Variants in UNC5D observed in about 807,000 individuals in gnomAD.
The protein encoded by UNC5D is unc-5 netrin receptor D, also known as netrin receptor UNC5D.
UNC5D carries 39 observed loss-of-function variants against 105.4 expected under a neutral mutation model. The observed-to-expected ratio is 0.37, with a 90% CI of 0.29 to 0.48. The LOEUF (loss-of-function observed/expected upper bound fraction) is 0.48, where lower values mean the gene tolerates loss of function less well. Among genes scored for constraint, UNC5D ranks in the 20% least tolerant of loss-of-function variants. The pLI is 0.98. For synonymous variants in UNC5D, 452 were observed against 450.4 expected (o/e 1.00, Z -0.04); for missense variants, 991 against 1,202.4 (o/e 0.82, Z 2.60).
chr8:35,527,618 C>T (rs749176425), intron 1 of UNC5D, among the ~76,000 whole-genome samples: 1 of 152,148 alleles, frequency 6.6e-6, no homozygotes, highest in Non-Finnish European at 1.5e-5. Context: ...TCTCGACTCA[C>T]TGCAACCTCT....
At chr8:35,624,085 GA>G (rs199568686) in intron 4 of UNC5D, among the ~76,000 whole-genome samples, 3 of 150,782 alleles carry the variant, frequency 2.0e-5, no homozygotes, top group South Asian at 2.1e-4. Flanking sequence ...ACCTCAAAAA[GA>G]AAAAAAAATT....
At chr8:35,585,404 G>T (rs558599904) in intron 3 of UNC5D, among the ~76,000 whole-genome samples, 4 of 152,056 alleles carry the variant, frequency 2.6e-5, no homozygotes, top group Non-Finnish European at 5.9e-5. Context: ...ATTCAGTGGC[G>T]TCCGTCCAAA....
intron 8 of UNC5D, among the ~76,000 whole-genome samples, chr8:35,707,700 T>A (rs185783456): frequency 5.9e-5 from 9 of 152,312 alleles, no homozygotes; most frequent in Non-Finnish European, 4.4e-5. Flanking sequence ...ATGTATGTGT[T>A]TTTAAAATTA....
chr8:35,793,019 T>G lies in UNC5D; in HGVS notation c.*2456T>G, dbSNP rs1304203950. 1 of 454,824 alleles carries G rather than the reference T, an allele frequency of 2.2e-6. No individual in the cohort carries two copies. Among genetic ancestry groups the G allele is most frequent in the Non-Finnish European group, 4.4e-6 (1 of 226,588 alleles). The allele number at this position is 454,824 out of a possible 1,614,324, so 28.2% of individuals were successfully genotyped here. A position where few individuals can be genotyped will look rare whatever the true frequency, so the allele number is the denominator to read the frequency against. On this transcript the variant is annotated 3_prime_UTR_variant, in exon 17 of 17. Transcript: ENST00000404895. ...TATAAACAACTTGAACATCATATCATATAGGATAACAAAGGAGGAAGTTAA... is the reference window on the plus strand; with the variant it reads ...TATAAACAACTTGAACATCATATCAGATAGGATAACAAAGGAGGAAGTTAA...
intron 4 of UNC5D, among the ~76,000 whole-genome samples, chr8:35,659,741 T>C (rs1823998254): frequency 2.0e-5 from 3 of 152,360 alleles, no homozygotes; most frequent in East Asian, 1.9e-4. Flanking sequence ...TGGCTTCTAA[T>C]TGGTGCCTCT....
At chr8:35,717,259 TC>T (rs1371355942) in intron 8 of UNC5D, among the ~76,000 whole-genome samples, 4 of 152,336 alleles carry the variant, frequency 2.6e-5, no homozygotes, top group African/African-American at 9.6e-5. Flanking sequence ...CTTATCCAAA[TC>T]CTGCAACATA....
intron 1 of UNC5D, among the ~76,000 whole-genome samples, chr8:35,431,318 A>C (rs1467861916): frequency 6.6e-6 from 1 of 152,164 alleles, no homozygotes; most frequent in African/African-American, 2.4e-5. Context: ...CACCACCTGC[A>C]CTGGTCATTT....
At chr8:35,725,850 C>CT (rs1181872141) in intron 9 of UNC5D, among the ~76,000 whole-genome samples, 2 of 152,084 alleles carry the variant, frequency 1.3e-5, no homozygotes, top group Non-Finnish European at 2.9e-5. Flanking sequence ...ACAATAATAC[C>CT]TGAGTTCGTT....
At chr8:35,417,667 C>A (rs996961264) in intron 1 of UNC5D, among the ~76,000 whole-genome samples, 2 of 152,164 alleles carry the variant, frequency 1.3e-5, no homozygotes, top group Admixed American at 1.3e-4. Context: ...AATAAATTTT[C>A]TCTTTTAAAC....
chr8:35,748,464 C>G (rs533955564), intron 11 of UNC5D, 63 bp from the exon 12 acceptor site: 2 of 1,518,944 alleles, frequency 1.3e-6, no homozygotes, highest in East Asian at 2.3e-5. Flanking sequence ...TAACCAAATT[C>G]TCATTCAAAT....
chr8:35,321,452 T>C (rs1006440181), intron 1 of UNC5D, among the ~76,000 whole-genome samples: 1 of 152,184 alleles, frequency 6.6e-6, no homozygotes, highest in Non-Finnish European at 1.5e-5. Context: ...TGTTTGGTAG[T>C]TCCTCCTGTG....
chr8:35,361,319 A>T (rs1801838432), intron 1 of UNC5D, among the ~76,000 whole-genome samples: 1 of 152,156 alleles, frequency 6.6e-6, no homozygotes, highest in Admixed American at 6.6e-5. Flanking sequence ...GGACTGTATG[A>T]TGTCTAAGAA....
chr8:35,247,222 T>G (rs1803164604), intron 1 of UNC5D, among the ~76,000 whole-genome samples: 1 of 135,206 alleles, frequency 7.4e-6, no homozygotes, highest in Admixed American at 8.1e-5. Context: ...TAAAGGATGT[T>G]TTCCTTTTAT....
At chr8:35,599,723 CT>C (rs1272752193) in intron 4 of UNC5D, among the ~76,000 whole-genome samples, 1 of 152,078 alleles carries the variant, frequency 6.6e-6, no homozygotes, top group Non-Finnish European at 1.5e-5. Context: ...TTCCTACCTG[CT>C]TTTTTTCCAT....
intron 4 of UNC5D, among the ~76,000 whole-genome samples, chr8:35,599,977 G>A (rs1303750754): frequency 3.3e-5 from 5 of 151,584 alleles, no homozygotes; most frequent in Admixed American, 2.0e-4. Context: ...AACAGTCCCT[G>A]GTGTGTGATG....
chr8:35,500,193 T>C (rs1811872638), intron 1 of UNC5D, among the ~76,000 whole-genome samples: 1 of 152,214 alleles, frequency 6.6e-6, no homozygotes, highest in South Asian at 2.1e-4. Flanking sequence ...AATTTATTTC[T>C]TATAGTTCTG....
At chr8:35,728,646 A>G (rs1242409397) in intron 10 of UNC5D, among the ~76,000 whole-genome samples, 1 of 152,210 alleles carries the variant, frequency 6.6e-6, no homozygotes, top group East Asian at 1.9e-4. Context: ...GAGCTAAAGT[A>G]TAAAGAAAGC....
At chr8:35,512,953 T>A (rs1015884885) in intron 1 of UNC5D, among the ~76,000 whole-genome samples, 1 of 151,956 alleles carries the variant, frequency 6.6e-6, no homozygotes, top group African/African-American at 2.4e-5. Flanking sequence ...TGTGCTGGGA[T>A]TACAGATGTG....
chr8:35,521,215 G>C (rs1813447016), intron 1 of UNC5D, among the ~76,000 whole-genome samples: 1 of 151,980 alleles, frequency 6.6e-6, no homozygotes, highest in South Asian at 2.1e-4. Context: ...TGAAAGGGAG[G>C]AGGCAGAGGA....
Sources: allele counts gnomAD v4.1 joint callset (sites outside exome capture counted in the v4.1 genomes callset), GRCh38; gene constraint gnomAD v4.1.1; transcripts MANE v1.5; gene names NCBI Gene and HGNC (gene_info 2026-07-23, HGNC 2026-07-21).